The following PRKN variants were observed in gnomAD, a reference collection of about 807,000 sequenced individuals.
PRKN encodes E3 ubiquitin-protein ligase parkin.
PRKN carries 56 observed loss-of-function variants against 59.5 expected under a neutral mutation model. The ratio of observed to expected loss-of-function variants is 0.94; its 90% confidence interval spans 0.76 to 1.18. The LOEUF (loss-of-function observed/expected upper bound fraction) is 1.18, where lower values mean the gene tolerates loss of function less well. PRKN is among the 50% of genes most tolerant of loss of function. The probability of loss-of-function intolerance (pLI) is 0.00; values close to 1 mark genes in which losing one functional copy is unlikely to be tolerated. For synonymous variants in PRKN, 250 were observed against 222.1 expected, an observed-to-expected ratio of 1.13 and a Z score of -1.12; for missense variants, 657 against 596.4, an observed-to-expected ratio of 1.10 and a Z score of -1.06.
intron 7 of PRKN, among the ~76,000 whole-genome samples, chr6:161,639,944 C>A (rs535213728): frequency 6.6e-6 from 1 of 152,302 alleles, no homozygotes; most frequent in Admixed American, 6.5e-5. Context: ...TAGTAAAATT[C>A]TTTCCCAGAT....
intron 2 of PRKN, among the ~76,000 whole-genome samples, chr6:162,399,523 T>G (rs1787651265): frequency 6.6e-6 from 1 of 152,074 alleles, no homozygotes; most frequent in African/African-American, 2.4e-5. Context: ...TATTCAATGT[T>G]GAATAACACA....
intron 1 of PRKN, among the ~76,000 whole-genome samples, chr6:162,676,761 G>A (rs939714363): frequency 1.3e-5 from 2 of 151,994 alleles, no homozygotes; most frequent in Non-Finnish European, 2.9e-5. Flanking sequence ...TACACATATT[G>A]TAAAAGATTA....
intron 7 of PRKN, among the ~76,000 whole-genome samples, chr6:161,611,236 T>G (rs1025677073): frequency 6.6e-6 from 1 of 152,232 alleles, no homozygotes; most frequent in Non-Finnish European, 1.5e-5. Flanking sequence ...TGTGCGTATA[T>G]GCAGGGCGAG....
intron 7 of PRKN, among the ~76,000 whole-genome samples, chr6:161,733,783 A>AAAATATATATATAT (rs35360887): frequency 1.2e-5 from 1 of 86,226 alleles, no homozygotes; most frequent in African/African-American, 8.8e-5. Context: ...AAAAAAAAAA[A>AAAATATATATATAT]ATATATATAT....
intron 3 of PRKN, among the ~76,000 whole-genome samples, chr6:162,244,699 T>C (rs976368146): frequency 6.6e-6 from 1 of 152,042 alleles, no homozygotes; most frequent in Non-Finnish European, 1.5e-5. Context: ...GAAGTGGTTG[T>C]TTTTGCATCA....
intron 6 of PRKN, among the ~76,000 whole-genome samples, chr6:161,908,320 T>G (rs971684380): frequency 3.3e-5 from 5 of 152,174 alleles, no homozygotes; most frequent in Admixed American, 1.3e-4. Flanking sequence ...ACAGGGCATC[T>G]TGTTTATACA....
At position 162,263,224 on chromosome 6, in the gene PRKN, C is replaced by T. The variant is rs116812494; in HGVS notation, c.172-459G>A. ...CCTCCCGAGTAGCTGGGATTATAGGCGGGCACCACCACACCTGGCTACGAA... is the reference window on the plus strand; with the variant it reads ...CCTCCCGAGTAGCTGGGATTATAGGTGGGCACCACCACACCTGGCTACGAA... On this transcript the variant is annotated intron_variant, in intron 2 of 11. Transcript: ENST00000366898. The T allele has an allele frequency of 8.5e-3, 1,834 of 215,876 alleles. 36 individuals are homozygous for T. Among genetic ancestry groups the T allele is most frequent in the African/African-American group, 0.039 (1,664 of 43,034 alleles). 13.4% of individuals were successfully genotyped at this position (215,876 alleles called of 1,614,324 possible).
rs1784463634 is a variant in PRKN, at chr6:161,350,141, C to T, written c.1356G>A (p.Glu452=). 1 of 1,613,640 alleles carries T rather than the reference C, an allele frequency of 6.2e-7. No homozygotes were observed. Among genetic ancestry groups the T allele is most frequent in the South Asian group, 1.1e-5 (1 of 91,080 alleles). ...GGTCCCCCATGCAGACGCGGTTCCA[C>T]TCGCAGCCACAGTTCCAGCACCACT... ...RLEWCWNCGC[E]WNRVCMGDHW... is the part of the protein sequence containing the mutation. The change falls in exon 12 of 12, where the codon GAG becomes GAA. Residue 452 remains glutamate, a synonymous_variant. Transcript: ENST00000366898.
chr6:161,872,468 A>C (rs557369118), intron 6 of PRKN, among the ~76,000 whole-genome samples: 10 of 152,222 alleles, frequency 6.6e-5, no homozygotes, highest in Non-Finnish European at 1.5e-4. Flanking sequence ...ATTTGTCTTA[A>C]TTAATGCCCT....
rs189395409 is a variant in PRKN, at chr6:162,551,387, A to C, written c.8-107914T>G. On this transcript the variant is annotated intron_variant, in intron 1 of 11. Transcript: ENST00000366898. ...ATAAGAGCTACAAAAGAATATCATA[A>C]ACAAATAATGAGAATAACTCCTTTT... Among the ~76,000 whole-genome samples, 308 of 152,374 alleles carry C rather than the reference A, an allele frequency of 2.0e-3. 1 individual carries two copies. Among genetic ancestry groups the C allele is most frequent in the South Asian group, 0.011 (53 of 4,834 alleles).
intron 1 of PRKN, among the ~76,000 whole-genome samples, chr6:162,566,065 A>G (rs1379144553): frequency 2.6e-5 from 4 of 152,158 alleles, no homozygotes; most frequent in Non-Finnish European, 5.9e-5. Context: ...CCAACACTGG[A>G]GCACCCAGAT....
chr6:162,005,258 T>A (rs528840168), intron 5 of PRKN, among the ~76,000 whole-genome samples: 2 of 152,330 alleles, frequency 1.3e-5, no homozygotes, highest in South Asian at 4.1e-4. Context: ...TGACTCTTTA[T>A]TGGTAATAAA....
chr6:161,411,569 C>T (rs1434790022), intron 9 of PRKN, among the ~76,000 whole-genome samples: 1 of 152,200 alleles, frequency 6.6e-6, no homozygotes, highest in Non-Finnish European at 1.5e-5. Flanking sequence ...GAGACCAACA[C>T]AGTGTCTGTC....
intron 6 of PRKN, among the ~76,000 whole-genome samples, chr6:161,895,141 G>A (rs1466002224): frequency 6.6e-6 from 1 of 152,184 alleles, no homozygotes; most frequent in African/African-American, 2.4e-5. Context: ...AAAGAGAAAT[G>A]GTAATGTAAA....
intron 1 of PRKN, among the ~76,000 whole-genome samples, chr6:162,630,669 C>T (rs1415352641): frequency 6.6e-6 from 1 of 152,060 alleles, no homozygotes; most frequent in East Asian, 1.9e-4. Flanking sequence ...TATTTCCAGT[C>T]AATTTCATAG....
At chr6:162,240,206 G>A (rs1445978078) in intron 3 of PRKN, among the ~76,000 whole-genome samples, 1 of 152,144 alleles carries the variant, frequency 6.6e-6, no homozygotes, top group Non-Finnish European at 1.5e-5. Context: ...AGGAGCCAGA[G>A]AAAAACAATT....
chr6:162,017,006 C>T (rs1782958516), intron 5 of PRKN, among the ~76,000 whole-genome samples: 1 of 152,124 alleles, frequency 6.6e-6, no homozygotes, highest in Non-Finnish European at 1.5e-5. Flanking sequence ...AAACATCCGC[C>T]TCTCTCCCGG....
intron 6 of PRKN, among the ~76,000 whole-genome samples, chr6:161,822,936 T>C (rs6912903): frequency 0.23 from 34,824 of 152,014 alleles, 4,212 homozygotes; most frequent in Middle Eastern, 0.31. Flanking sequence ...ACTGGTTTAC[T>C]TATTAATTAT....
chr6:161,906,298 C>G (rs1360080114), intron 6 of PRKN, among the ~76,000 whole-genome samples: 6 of 152,194 alleles, frequency 3.9e-5, no homozygotes, highest in African/African-American at 1.4e-4. Context: ...TGTGTCTTAA[C>G]TCGTTTACAC....
Sources: gnomAD v4.1 joint callset for allele counts (sites outside exome capture counted in the v4.1 genomes callset) on GRCh38, gnomAD v4.1.1 for gene constraint, MANE v1.5 for transcripts, NCBI Gene and HGNC (gene_info 2026-07-23, HGNC 2026-07-21) for gene names.